Variants in LZTFL1 observed in about 807,000 individuals in gnomAD.
The protein encoded by LZTFL1 is leucine zipper transcription factor-like protein 1.
Under a neutral mutation model 45.9 loss-of-function variants are expected in LZTFL1, and 25 were observed. That is an observed-to-expected ratio of 0.54 (90% CI 0.40 to 0.76). The LOEUF (loss-of-function observed/expected upper bound fraction) is 0.76, where lower values mean the gene tolerates loss of function less well. LZTFL1 is among the 30% of genes least tolerant of loss of function. The probability of loss-of-function intolerance (pLI) is 0.00; values close to 1 mark genes in which losing one functional copy is unlikely to be tolerated. For missense variants in LZTFL1, 277 were observed against 331.1 expected (o/e 0.84, Z 1.27); for synonymous variants, 93 against 117.4 (o/e 0.79, Z 1.35).
At chr3:45,855,373 TAA>T (rs1701375028) in intron 3 of LZTFL1, among the ~76,000 whole-genome samples, 1 of 152,292 alleles carries the variant, frequency 6.6e-6, no homozygotes, top group East Asian at 1.9e-4. Flanking sequence ...CTCTTCATGT[TAA>T]AAACTCTCAA....
chr3:45,866,543 T>A (rs1020574484), intron 2 of LZTFL1, among the ~76,000 whole-genome samples: 2 of 152,176 alleles, frequency 1.3e-5, no homozygotes, highest in Non-Finnish European at 2.9e-5. Flanking sequence ...GATAACTAAG[T>A]TTGGATCAAT....
chr3:45,899,765 C>T (rs1173971216), intron 2 of LZTFL1, among the ~76,000 whole-genome samples: 2 of 152,104 alleles, frequency 1.3e-5, no homozygotes, highest in Non-Finnish European at 2.9e-5. Context: ...CCCTCCTCCT[C>T]CATCAGCAGT....
At chr3:45,854,768 A>G (rs1701362956) in intron 4 of LZTFL1, among the ~76,000 whole-genome samples, 1 of 152,226 alleles carries the variant, frequency 6.6e-6, no homozygotes, top group East Asian at 1.9e-4. Flanking sequence ...TGCCAATGAG[A>G]TGATTCAGAG....
At chr3:45,854,056 C>A (rs1321459523) in intron 4 of LZTFL1, among the ~76,000 whole-genome samples, 3 of 152,220 alleles carry the variant, frequency 2.0e-5, no homozygotes, top group Non-Finnish European at 4.4e-5. Context: ...ACTATGGACA[C>A]CTCCTCCTTT....
At chr3:45,904,215 A>G (rs138400935) in intron 2 of LZTFL1, among the ~76,000 whole-genome samples, 3 of 152,392 alleles carry the variant, frequency 2.0e-5, no homozygotes, top group East Asian at 3.8e-4. Flanking sequence ...TAATATCTTT[A>G]TAAACATTTA....
intron 2 of LZTFL1, among the ~76,000 whole-genome samples, chr3:45,868,663 G>GTAAA (rs1156930116): frequency 6.6e-6 from 1 of 152,178 alleles, no homozygotes; most frequent in Non-Finnish European, 1.5e-5. Flanking sequence ...GGTAGGGGGG[G>GTAAA]TAAACCCAAC....
intron 2 of LZTFL1, among the ~76,000 whole-genome samples, chr3:45,837,036 C>G (rs747309628): frequency 1.3e-5 from 2 of 152,116 alleles, no homozygotes; most frequent in Non-Finnish European, 2.9e-5. Flanking sequence ...TTCCCTACTT[C>G]CAAAAAGACA....
At chr3:45,833,474 G>A (rs1050022271) in intron 4 of LZTFL1, among the ~76,000 whole-genome samples, 3 of 152,220 alleles carry the variant, frequency 2.0e-5, no homozygotes, top group African/African-American at 7.2e-5. Context: ...ATTTTAGCCT[G>A]TGGGAGCTGA....
intron 1 of LZTFL1, chr3:45,913,282 T>A: frequency 1.2e-6 from 1 of 817,698 alleles, no homozygotes; most frequent in Non-Finnish European, 1.9e-6. Context: ...CATGAGGACC[T>A]GCCACAACCT....
chr3:45,878,634 A>G (rs1017950763), intron 2 of LZTFL1, among the ~76,000 whole-genome samples: 4 of 152,070 alleles, frequency 2.6e-5, no homozygotes, highest in Admixed American at 6.5e-5. Context: ...GACACTGTTA[A>G]GAGAAGGAGA....
intron 4 of LZTFL1, among the ~76,000 whole-genome samples, chr3:45,847,466 G>A (rs1701236465): frequency 6.6e-6 from 1 of 152,184 alleles, no homozygotes; most frequent in Admixed American, 6.5e-5. Flanking sequence ...CTGAATTATA[G>A]ACATTGTGTT....
intron 1 of LZTFL1, 146 bp downstream of exon 1, chr3:45,841,843 G>A (rs1267559646): frequency 1.0e-5 from 11 of 1,078,826 alleles, no homozygotes; most frequent in South Asian, 1.4e-5. Context: ...TCTCGCGCCC[G>A]GCGCAGCTCC....
intron 1 of LZTFL1, among the ~76,000 whole-genome samples, chr3:45,839,578 C>T (rs932861578): frequency 1.3e-5 from 2 of 152,184 alleles, no homozygotes; most frequent in African/African-American, 4.8e-5. Context: ...ACTCATGTTA[C>T]TCTGATCCTA....
At chr3:45,913,227 A>G (rs777775693) in intron 1 of LZTFL1, 15 of 1,296,178 alleles carry the variant, frequency 1.2e-5, no homozygotes, top group Non-Finnish European at 1.6e-5. Context: ...TATTGTTACT[A>G]TTAACAAACC....
chr3:45,884,627 C>G (rs1449836123), intron 2 of LZTFL1, among the ~76,000 whole-genome samples: 1 of 152,132 alleles, frequency 6.6e-6, no homozygotes, highest in African/African-American at 2.4e-5. Flanking sequence ...ACTCCAACGT[C>G]TAGGGGCAAG....
intron 7 of LZTFL1, 132 bp from the exon 8 acceptor site, chr3:45,828,747 C>T (rs183667274): frequency 1.6e-4 from 126 of 779,558 alleles, no homozygotes; most frequent in Non-Finnish European, 2.5e-4. Context: ...CCTCCCTTGC[C>T]AGCCTAGGTA....
intron 5 of LZTFL1, 44 bp from the exon 6 acceptor site, chr3:45,831,182 T>A: frequency 5.8e-6 from 6 of 1,026,970 alleles, no homozygotes; most frequent in Non-Finnish European, 7.0e-6. Flanking sequence ...CCAAAATATT[T>A]TAATATTTGA....
chr3:45,894,013 C>A (rs1418508390), intron 2 of LZTFL1, among the ~76,000 whole-genome samples: 1 of 152,046 alleles, frequency 6.6e-6, no homozygotes, highest in Non-Finnish European at 1.5e-5. Context: ...TTTTCGAGAA[C>A]CTTGGGGTGT....
At chr3:45,870,251 C>G (rs1701650867) in intron 2 of LZTFL1, among the ~76,000 whole-genome samples, 1 of 152,242 alleles carries the variant, frequency 6.6e-6, no homozygotes, top group Non-Finnish European at 1.5e-5. Flanking sequence ...GCTACACCCA[C>G]AGACCCAGGC....
Sources: gnomAD v4.1 joint callset for allele counts (sites outside exome capture counted in the v4.1 genomes callset) on GRCh38, gnomAD v4.1.1 for gene constraint, MANE v1.5 for transcripts, NCBI Gene and HGNC (gene_info 2026-07-23, HGNC 2026-07-21) for gene names.